CYTIP: variants seen among roughly 807,000 people sequenced by gnomAD.
CYTIP encodes cytohesin-interacting protein.
CYTIP carries 26 observed loss-of-function variants against 43.8 expected under a neutral mutation model. That is an observed-to-expected ratio of 0.59 (90% confidence interval 0.44 to 0.82). CYTIP has a LOEUF of 0.82. CYTIP is among the 40% of genes least tolerant of loss of function. The probability of loss-of-function intolerance (pLI) is 0.00; values close to 1 mark genes in which losing one functional copy is unlikely to be tolerated. For missense variants in CYTIP, 426 were observed against 443.1 expected, an observed-to-expected ratio of 0.96 and a Z score of 0.35; for synonymous variants, 162 against 162.9, an observed-to-expected ratio of 0.99 and a Z score of 0.04.
At chr2:157,441,383 A>G (rs546209215) in intron 1 of CYTIP, among the ~76,000 whole-genome samples, 1 of 152,342 alleles carries the variant, frequency 6.6e-6, no homozygotes, top group East Asian at 1.9e-4. Context: ...ATTGTACGGA[A>G]TCAGAACTAT....
In CYTIP at chr2:157,415,900, A is replaced by G; in HGVS notation, c.857T>C (p.Ile286Thr). The change falls in exon 8 of 8, where the codon ATC (isoleucine) becomes ACC (threonine). Residue 286 changes from isoleucine (I) to threonine (T), a missense_variant. Coordinates refer to ENST00000264192, the MANE Select transcript of CYTIP (RefSeq NM_004288.5). Reference protein sequence around the residue: ...RQTSTDDECFIPKEGDDFLRR... With the variant: ...RQTSTDDECFTPKEGDDFLRR... ...CAGAAAATCATCCCCCTCCTTGGGG[A>G]TAAAGCACTCATCATCTGTACTCGT... 1.9e-6 allele frequency: 3 copies of G among 1,614,168 alleles called. No individual in the cohort carries two copies. Among genetic ancestry groups the G allele is most frequent in the Non-Finnish European group, 2.5e-6 (3 of 1,180,028 alleles).
chr2:157,426,704 A>T (rs1053507099), intron 6 of CYTIP, among the ~76,000 whole-genome samples: 1 of 152,198 alleles, frequency 6.6e-6, no homozygotes, highest in Non-Finnish European at 1.5e-5. Flanking sequence ...ACTATGACTC[A>T]GATGCATGAG....
At chr2:157,423,623 G>T (rs1573855757) in intron 6 of CYTIP, among the ~76,000 whole-genome samples, 1 of 151,856 alleles carries the variant, frequency 6.6e-6, no homozygotes, top group Non-Finnish European at 1.5e-5. Flanking sequence ...ACAGTCCCCA[G>T]GTCATGCTAA....
intron 1 of CYTIP, among the ~76,000 whole-genome samples, chr2:157,439,895 C>G (rs971035618): frequency 6.6e-6 from 1 of 152,222 alleles, no homozygotes; most frequent in Non-Finnish European, 1.5e-5. Flanking sequence ...ACACATTCCT[C>G]TTCAGTGGGA....
At chr2:157,422,969 G>C (rs1160980847) in intron 6 of CYTIP, among the ~76,000 whole-genome samples, 3 of 152,038 alleles carry the variant, frequency 2.0e-5, no homozygotes, top group South Asian at 4.1e-4. Flanking sequence ...CTATGAAATA[G>C]TCATTAGGAA....
intron 5 of CYTIP, among the ~76,000 whole-genome samples, chr2:157,429,628 G>T (rs977444674): frequency 6.6e-6 from 1 of 152,104 alleles, no homozygotes; most frequent in African/African-American, 2.4e-5. Flanking sequence ...ATGAATGAGC[G>T]AATTTCATCA....
intron 6 of CYTIP, among the ~76,000 whole-genome samples, chr2:157,420,445 G>T (rs1685504133): frequency 6.6e-6 from 1 of 152,100 alleles, no homozygotes; most frequent in Non-Finnish European, 1.5e-5. Context: ...GAACCTGGGA[G>T]GCAGAGGTTG....
chr2:157,418,432 T>A, intron 7 of CYTIP, 91 bp downstream of exon 7: 1 of 1,331,956 alleles, frequency 7.5e-7, no homozygotes, highest in Non-Finnish European at 1.0e-6. Context: ...CAAATTTTTC[T>A]TATAATGATG....
At chr2:157,426,974 A>G (rs965567698) in intron 6 of CYTIP, among the ~76,000 whole-genome samples, 2 of 152,218 alleles carry the variant, frequency 1.3e-5, no homozygotes, top group Non-Finnish European at 2.9e-5. Flanking sequence ...AAAAGAGGAC[A>G]CGGAAAAAGT....
intron 1 of CYTIP, among the ~76,000 whole-genome samples, chr2:157,439,768 A>G (rs1001460042): frequency 2.0e-5 from 3 of 152,248 alleles, no homozygotes; most frequent in Non-Finnish European, 2.9e-5. Context: ...CTTGCTAGCC[A>G]TAATACACTG....
chr2:157,441,603 TACACAC>T (rs35513959), intron 1 of CYTIP, among the ~76,000 whole-genome samples: 72,037 of 148,344 alleles, frequency 0.49, 17,508 homozygotes, highest in South Asian at 0.64. Flanking sequence ...TATATGCACA[TACACAC>T]ACACACACAC....
chr2:157,430,729 G>A (rs1685699293), intron 4 of CYTIP, 77 bp from the exon 5 acceptor site: 2 of 1,487,508 alleles, frequency 1.3e-6, no homozygotes, highest in Non-Finnish European at 1.9e-6. Context: ...GAAACAAGCA[G>A]CTCCAAGTCT....
intron 6 of CYTIP, among the ~76,000 whole-genome samples, chr2:157,426,289 GA>G (rs1685606294): frequency 6.6e-6 from 1 of 152,136 alleles, no homozygotes; most frequent in Non-Finnish European, 1.5e-5. Flanking sequence ...AAGCCATAAA[GA>G]TTTTAATTGC....
In CYTIP at chr2:157,418,584, A is replaced by G; in HGVS notation, c.552T>C (p.Thr184=). 6.5e-7 allele frequency: 1 copy of G among 1,548,110 alleles called. No individual in the cohort carries two copies. The highest frequency in any genetic ancestry group is 8.7e-7 in the Non-Finnish European group (1 of 1,147,622). The change falls in exon 7 of 8, where the codon ACT becomes ACC. Residue 184 remains threonine (T), a synonymous_variant. Transcript: ENST00000264192. ...TGTACTCCACCCATTTTTGTTTCAA[A>G]GTTTGCTGTGAGATTAAAAAAAAAA... ...LEAKLQVLKQ[T]LKQKWVEYRS...
rs897270557 is a variant in CYTIP, at chr2:157,415,348, A to G, written c.*329T>C. The G allele has an allele frequency of 4.7e-6, 1 of 213,440 alleles. No homozygotes were observed. Among genetic ancestry groups the G allele is most frequent in the East Asian group, 1.2e-4 (1 of 8,150 alleles). The allele number at this position is 213,440 out of a possible 1,614,324, so 13.2% of individuals were successfully genotyped here. A position where few individuals can be genotyped will look rare whatever the true frequency, so the allele number is the denominator to read the frequency against. On this transcript the variant is annotated 3_prime_UTR_variant, in exon 8 of 8. Coordinates refer to ENST00000264192, the MANE Select transcript of CYTIP (RefSeq NM_004288.5). ...ACACCTTTATTCATACTTGACTCCA[A>G]AAAGTTCTCAATTATTCACAGGGAT...
chr2:157,442,157 C>T (rs189260737), intron 1 of CYTIP, among the ~76,000 whole-genome samples: 1 of 152,180 alleles, frequency 6.6e-6, no homozygotes, highest in African/African-American at 2.4e-5. Flanking sequence ...TTCAATATCT[C>T]GAATATCTAT....
Position 157,427,463 on chromosome 2 carries a change from GT to G in CYTIP, c.477-44del, listed in dbSNP as rs756107856. On this transcript the variant is annotated intron_variant, in intron 5 of 7. Coordinates refer to ENST00000264192, the MANE Select transcript of CYTIP (RefSeq NM_004288.5). ...AAAAGAAGAGGAAGGTGGGGAGTGA[GT>G]AACATGAGTGATTCGTTTAAATAAG... 14 of 1,425,150 alleles carry G rather than the reference GT, an allele frequency of 9.8e-6. No homozygotes were observed. The Middle Eastern group carries it at 1.2e-3, about 127-fold the overall frequency. 88.3% of individuals were successfully genotyped at this position (1,425,150 alleles called of 1,614,324 possible). A position where few individuals can be genotyped will look rare whatever the true frequency, so the allele number is the denominator to read the frequency against.
At chr2:157,416,169 T>C in intron 7 of CYTIP, 26 bp from the exon 8 acceptor site, 1 of 1,561,154 alleles carries the variant, frequency 6.4e-7, no homozygotes. Context: ...TACTGTGAAA[T>C]GGATCTGTTC....
Position 157,415,573 on chromosome 2 carries a change from G to C in CYTIP, c.*104C>G, listed in dbSNP as rs1316215120. The C allele has an allele frequency of 2.8e-6, 2 of 707,804 alleles. No homozygotes were observed. Among genetic ancestry groups the C allele is most frequent in the Non-Finnish European group, 4.9e-6 (2 of 409,414 alleles). 43.8% of individuals were successfully genotyped at this position (707,804 alleles called of 1,614,324 possible). The stretch of plus-strand genomic sequence containing the variant: ...AAAGGTCACTATTGCTGTGAAATGG[G>C]ATGTCAGTTTTGCAATTCTTCTGCA... On this transcript the variant is annotated 3_prime_UTR_variant, in exon 8 of 8. Coordinates refer to ENST00000264192, the MANE Select transcript of CYTIP (RefSeq NM_004288.5).
Sources: allele counts gnomAD v4.1 joint callset (sites outside exome capture counted in the v4.1 genomes callset), GRCh38; gene constraint gnomAD v4.1.1; transcripts MANE v1.5; gene names NCBI Gene and HGNC (gene_info 2026-07-23, HGNC 2026-07-21).